The following ADARB2 variants were observed in gnomAD, a reference collection of about 807,000 sequenced individuals.
ADARB2 encodes inactive double-stranded RNA-specific editase B2.
In ADARB2, 25 loss-of-function variants were observed where a neutral mutation model predicts 62.2. The ratio of observed to expected loss-of-function variants is 0.40; its 90% confidence interval spans 0.29 to 0.56. ADARB2 has a LOEUF of 0.56. Ranked by LOEUF, ADARB2 falls within the 20% of genes least tolerant of loss-of-function variation. ADARB2 has a pLI of 0.43. For missense variants in ADARB2, 1,071 were observed against 1,077.4 expected, an observed-to-expected ratio of 0.99 and a Z score of 0.08; for synonymous variants, 572 against 500.8, an observed-to-expected ratio of 1.14 and a Z score of -1.90.
chr10:1,552,018 G>A (rs941878609), intron 1 of ADARB2, among the ~76,000 whole-genome samples: 3 of 151,724 alleles, frequency 2.0e-5, no homozygotes, highest in Non-Finnish European at 4.4e-5. Context: ...GGCCTCCTGC[G>A]TGGAGGCCAA....
intron 1 of ADARB2, among the ~76,000 whole-genome samples, chr10:1,428,905 G>C (rs912817814): frequency 6.6e-6 from 1 of 151,894 alleles, no homozygotes; most frequent in East Asian, 1.9e-4. Flanking sequence ...ACACGGACAA[G>C]GAAACAAGTC....
chr10:1,214,820 G>A (rs1190634720), intron 7 of ADARB2, among the ~76,000 whole-genome samples: 3 of 152,170 alleles, frequency 2.0e-5, no homozygotes, highest in African/African-American at 4.8e-5. Context: ...GCTATTTGTC[G>A]ACAATGGGCT....
intron 1 of ADARB2, among the ~76,000 whole-genome samples, chr10:1,556,350 T>C (rs1832702648): frequency 1.3e-5 from 2 of 151,896 alleles, no homozygotes; most frequent in Admixed American, 1.3e-4. Flanking sequence ...ATGCATTGTG[T>C]AGGAAATCTT....
intron 1 of ADARB2, among the ~76,000 whole-genome samples, chr10:1,481,828 GC>G (rs1231504317): frequency 6.9e-6 from 1 of 144,266 alleles, no homozygotes; most frequent in Non-Finnish European, 1.5e-5. Context: ...CTGCACTCCA[GC>G]CTGGACGACA....
intron 1 of ADARB2, among the ~76,000 whole-genome samples, chr10:1,579,520 C>T (rs950557011): frequency 7.2e-5 from 11 of 152,130 alleles, no homozygotes; most frequent in Non-Finnish European, 1.3e-4. Context: ...TCAATGAAAG[C>T]GATCCCTTTC....
intron 3 of ADARB2, among the ~76,000 whole-genome samples, chr10:1,339,882 G>A (rs2820606): frequency 0.023 from 3,560 of 152,240 alleles, 130 homozygotes; most frequent in African/African-American, 0.08. Flanking sequence ...AAGTTTTGAC[G>A]GTTTTGAAGC....
intron 1 of ADARB2, among the ~76,000 whole-genome samples, chr10:1,427,819 T>C (rs1033000459): frequency 1.1e-4 from 16 of 152,226 alleles, no homozygotes; most frequent in African/African-American, 3.9e-4. Flanking sequence ...ACACTGGAAT[T>C]AGTCCAGACC....
At chr10:1,623,660 G>A (rs986927665) in intron 1 of ADARB2, among the ~76,000 whole-genome samples, 3 of 152,168 alleles carry the variant, frequency 2.0e-5, no homozygotes, top group Non-Finnish European at 2.9e-5. Flanking sequence ...TCATCAGTGC[G>A]ATTGCACACG....
intron 1 of ADARB2, among the ~76,000 whole-genome samples, chr10:1,580,541 T>A (rs1268809772): frequency 1.3e-5 from 2 of 150,480 alleles, no homozygotes; most frequent in Admixed American, 6.7e-5. Context: ...TTTAGAGCAG[T>A]TTGTGGTTCT....
At chr10:1,509,650 G>A (rs1831895833) in intron 1 of ADARB2, among the ~76,000 whole-genome samples, 1 of 152,206 alleles carries the variant, frequency 6.6e-6, no homozygotes, top group African/African-American at 2.4e-5. Context: ...TAGATTATTT[G>A]TTTGAGAAAA....
chr10:1,654,828 G>C (rs1262553736), intron 1 of ADARB2, among the ~76,000 whole-genome samples: 1 of 152,218 alleles, frequency 6.6e-6, no homozygotes, highest in Non-Finnish European at 1.5e-5. Context: ...CATGGCTGCT[G>C]ATCACTGCAG....
intron 1 of ADARB2, among the ~76,000 whole-genome samples, chr10:1,691,891 A>C (rs1427764146): frequency 9.0e-5 from 13 of 144,356 alleles, no homozygotes. Context: ...CCTCCAGGTC[A>C]TTACTAAATG....
Position 1,620,002 on chromosome 10 carries a change from C to G in ADARB2, c.100+117049G>C, listed in dbSNP as rs956368423. ...AAAATAAGAAAAAAATTTAACTGCA[C>G]TAAAACAAAATTATATTAAAATTTA... On this transcript the variant is annotated intron_variant, in intron 1 of 9. Coordinates refer to ENST00000381312, the MANE Select transcript of ADARB2 (RefSeq NM_018702.4). Among the ~76,000 whole-genome samples the G allele has an allele frequency of 3.9e-5, 6 of 151,988 alleles. No individual in the cohort carries two copies. The East Asian group carries it at 1.2e-3, about 29-fold the overall frequency.
rs974731659 is a variant in ADARB2, at chr10:1,284,122, T to C, written c.1078-13053A>G. On this transcript the variant is annotated intron_variant, in intron 3 of 9. Coordinates refer to ENST00000381312, the MANE Select transcript of ADARB2 (RefSeq NM_018702.4). Reference sequence around the variant, plus strand: ...ATTCATCAAATATTTATGGAATGCTTCTCAGGGTCAGACACGATTATACCT... The same window carrying C: ...ATTCATCAAATATTTATGGAATGCTCCTCAGGGTCAGACACGATTATACCT... Among the ~76,000 whole-genome samples the C allele has an allele frequency of 5.9e-5, 9 of 152,220 alleles. No homozygotes were observed. The South Asian group carries it at 1.9e-3, about 32-fold the overall frequency.
intron 8 of ADARB2, among the ~76,000 whole-genome samples, chr10:1,195,389 GTTTTTTTTTTGTTT>G (rs1236643253): frequency 7.7e-5 from 8 of 103,670 alleles, no homozygotes; most frequent in South Asian, 3.1e-4. Context: ...GCTGTACACA[GTTTTTTTTTTGTTT>G]TTTTTTTTTT....
chr10:1,331,148 T>G (rs1053567311), intron 3 of ADARB2, among the ~76,000 whole-genome samples: 1 of 152,184 alleles, frequency 6.6e-6, no homozygotes, highest in Non-Finnish European at 1.5e-5. Context: ...TGTGGAGAAA[T>G]TGGAACCCTC....
At chr10:1,609,830 C>T (rs1403697578) in intron 1 of ADARB2, among the ~76,000 whole-genome samples, 1 of 152,230 alleles carries the variant, frequency 6.6e-6, no homozygotes, top group Admixed American at 6.5e-5. Flanking sequence ...GTTAGCAAAT[C>T]ACCTCTCCAG....
In ADARB2 at chr10:1,547,909, C is replaced by A. The variant is rs550114749; in HGVS notation, c.101-168749G>T. Among the ~76,000 whole-genome samples, 7 of 152,236 alleles carry A rather than the reference C, an allele frequency of 4.6e-5. No homozygotes were observed. In the East Asian group the frequency reaches 1.3e-3, roughly 29 times the overall value. ...GACTCAGGGCAGGGCTGTTGGGAGG[C>A]CCCTGACAGGCCTGGGAAGGCCTTG... is the stretch of plus-strand genomic sequence containing the variant. On this transcript the variant is annotated intron_variant, in intron 1 of 9. Coordinates refer to ENST00000381312, the MANE Select transcript of ADARB2 (RefSeq NM_018702.4).
chr10:1,387,076 A>G (rs1339796036), intron 1 of ADARB2, among the ~76,000 whole-genome samples: 1 of 151,952 alleles, frequency 6.6e-6, no homozygotes, highest in Non-Finnish European at 1.5e-5. Flanking sequence ...AGTGATAATG[A>G]AAGTATAACA....
Sources: gnomAD v4.1 joint callset for allele counts (sites outside exome capture counted in the v4.1 genomes callset) on GRCh38, gnomAD v4.1.1 for gene constraint, MANE v1.5 for transcripts, NCBI Gene and HGNC (gene_info 2026-07-23, HGNC 2026-07-21) for gene names.